The following LARP4B variants were observed in gnomAD, a reference collection of about 807,000 sequenced individuals.
LARP4B encodes the protein la-related protein 4B.
Under a neutral mutation model 89.8 loss-of-function variants are expected in LARP4B, and 12 were observed. The observed-to-expected ratio is 0.13, with a 90% CI of 0.09 to 0.22. LARP4B has a LOEUF of 0.22. Among genes scored for constraint, LARP4B ranks in the 10% least tolerant of loss-of-function variants. LARP4B has a pLI of 1.00. For synonymous variants in LARP4B, 367 were observed against 363.3 expected, an observed-to-expected ratio of 1.01 and a Z score of -0.12; for missense variants, 757 against 947.7, an observed-to-expected ratio of 0.80 and a Z score of 2.64.
chr10:862,754 T>C (rs1033688901), intron 5 of LARP4B, among the ~76,000 whole-genome samples: 3 of 150,916 alleles, frequency 2.0e-5, no homozygotes, highest in African/African-American at 7.3e-5. Flanking sequence ...TGAGACTCCG[T>C]CTCAAAAAAA....
chr10:929,141 A>C (rs564596252), intron 1 of LARP4B, among the ~76,000 whole-genome samples: 9 of 152,298 alleles, frequency 5.9e-5, no homozygotes, highest in Non-Finnish European at 1.2e-4. Context: ...CCTACTCAAA[A>C]AGAGTGGAAC....
At chr10:918,149 A>G (rs1484553406) in intron 1 of LARP4B, among the ~76,000 whole-genome samples, 1 of 152,214 alleles carries the variant, frequency 6.6e-6, no homozygotes, top group Non-Finnish European at 1.5e-5. Context: ...AGTTACATAA[A>G]TCAGTGACTT....
intron 3 of LARP4B, among the ~76,000 whole-genome samples, chr10:884,174 T>C (rs372659217): frequency 5.9e-5 from 9 of 152,220 alleles, no homozygotes; most frequent in East Asian, 5.8e-4. Flanking sequence ...ACAATAAAAA[T>C]TTTGTAATAT....
At chr10:830,127 T>C (rs1438537449) in intron 9 of LARP4B, among the ~76,000 whole-genome samples, 2 of 152,202 alleles carry the variant, frequency 1.3e-5, no homozygotes, top group African/African-American at 4.8e-5. Flanking sequence ...ATTAGGATCA[T>C]AACATCCAAA....
At chr10:883,857 T>C (rs910360130) in intron 3 of LARP4B, among the ~76,000 whole-genome samples, 20 of 152,100 alleles carry the variant, frequency 1.3e-4, no homozygotes, top group African/African-American at 4.6e-4. Flanking sequence ...AGATGAGATT[T>C]ATGGTAATTT....
the LARP4B span, among the ~76,000 whole-genome samples, chr10:982,712 G>A: frequency 6.6e-5 from 10 of 152,190 alleles, no homozygotes; most frequent in Admixed American, 2.0e-4. Context: ...TTCTGTTTAC[G>A]GAGTATTGGC....
chr10:834,360 G>C (rs1833084708), intron 8 of LARP4B, among the ~76,000 whole-genome samples: 1 of 152,176 alleles, frequency 6.6e-6, no homozygotes. Flanking sequence ...CAGTCTACTA[G>C]TGGCAAGAAT....
intron 2 of LARP4B, among the ~76,000 whole-genome samples, 195 bp from the exon 3 acceptor site, chr10:884,701 G>C (rs1387130310): frequency 2.6e-5 from 4 of 152,048 alleles, no homozygotes; most frequent in Non-Finnish European, 5.9e-5. Context: ...CATAGATAAA[G>C]TTCTTTGTAG....
chr10:827,022 C>A (rs939852591), intron 11 of LARP4B, among the ~76,000 whole-genome samples: 7 of 152,122 alleles, frequency 4.6e-5, no homozygotes, highest in East Asian at 1.9e-4. Flanking sequence ...TGCCTATAAC[C>A]CCAGCACTTT....
the LARP4B span, among the ~76,000 whole-genome samples, chr10:955,293 G>A: frequency 1.3e-5 from 2 of 152,180 alleles, no homozygotes; most frequent in South Asian, 2.1e-4. The surrounding 1 kb of genome is among the most constrained non-coding windows in gnomAD (Gnocchi z 5.2). Flanking sequence ...CTGCCCCCTC[G>A]ACCCAGCCAG....
intron 1 of LARP4B, among the ~76,000 whole-genome samples, chr10:928,230 A>G (rs111813574): frequency 7.2e-6 from 1 of 138,074 alleles, no homozygotes; most frequent in African/African-American, 2.9e-5. Flanking sequence ...CTCAGGAAAG[A>G]AAAAAAAAAA....
intron 5 of LARP4B, among the ~76,000 whole-genome samples, chr10:858,248 T>A (rs1834407118): frequency 6.6e-6 from 1 of 152,142 alleles, no homozygotes; most frequent in South Asian, 2.1e-4. Context: ...AATCCTTGCA[T>A]ACATGGCCAA....
At chr10:894,476 G>A (rs746596869) in intron 1 of LARP4B, among the ~76,000 whole-genome samples, 12 of 152,220 alleles carry the variant, frequency 7.9e-5, no homozygotes, top group Non-Finnish European at 1.8e-4. Context: ...CCAATGTGAT[G>A]TAAGAACTGT....
At chr10:860,819 AG>A (rs1295239652) in intron 5 of LARP4B, among the ~76,000 whole-genome samples, 3 of 151,944 alleles carry the variant, frequency 2.0e-5, no homozygotes, top group Non-Finnish European at 4.4e-5. Context: ...TTTTTTAAAG[AG>A]AAAAAAAATC....
At chr10:973,225 G>A in the LARP4B span, among the ~76,000 whole-genome samples, 230 of 152,286 alleles carry the variant, frequency 1.5e-3, 1 homozygote, top group African/African-American at 5.3e-3. Flanking sequence ...ACTCACCGGG[G>A]CAGGGGGAGC....
intron 1 of LARP4B, among the ~76,000 whole-genome samples, chr10:902,880 G>A (rs1836382778): frequency 6.6e-6 from 1 of 152,140 alleles, no homozygotes; most frequent in African/African-American, 2.4e-5. Flanking sequence ...GACCTCAAGT[G>A]ATCCCGCCCA....
intron 5 of LARP4B, among the ~76,000 whole-genome samples, chr10:859,423 AATT>A (rs1252563856): frequency 1.3e-5 from 2 of 152,224 alleles, no homozygotes; most frequent in African/African-American, 4.8e-5. Flanking sequence ...TAAACATAAG[AATT>A]ACCATATGAT....
intron 1 of LARP4B, among the ~76,000 whole-genome samples, chr10:911,316 T>C (rs1836658310): frequency 1.3e-5 from 2 of 152,068 alleles, no homozygotes; most frequent in Non-Finnish European, 1.5e-5. Context: ...CGGTCAGAAG[T>C]ATAAAAAGCT....
chr10:987,940 C>A, the LARP4B span: 1,858 of 152,598 alleles, frequency 0.012, 13 homozygotes, highest in Middle Eastern at 0.024. Flanking sequence ...TCAAGTCCCA[C>A]GCGCGAGGCC....
Sources: allele counts gnomAD v4.1 joint callset (sites outside exome capture counted in the v4.1 genomes callset), GRCh38; gene constraint gnomAD v4.1.1; non-coding constraint Gnocchi (gnomAD v3.1); transcripts MANE v1.5; gene names NCBI Gene and HGNC (gene_info 2026-07-23, HGNC 2026-07-21).